The following CSGALNACT1 variants were observed in gnomAD, a reference collection of about 807,000 sequenced individuals.
The protein encoded by CSGALNACT1 is chondroitin sulfate N-acetylgalactosaminyltransferase 1, also known as beta4GalNAcT-1.
A neutral mutation model predicts 51.0 loss-of-function variants in CSGALNACT1; 52 were observed. The observed-to-expected ratio is 1.02, with a 90% CI of 0.82 to 1.29. The LOEUF is 1.29. Ranked by LOEUF, CSGALNACT1 falls within the 50% of genes most tolerant of loss-of-function variation. CSGALNACT1 has a pLI of 0.00. For missense variants in CSGALNACT1, 935 were observed against 679.2 expected (o/e 1.38, Z -4.19); for synonymous variants, 341 against 254.4 (o/e 1.34, Z -3.24).
At chr8:19,571,558 A>G (rs550727956) in intron 3 of CSGALNACT1, among the ~76,000 whole-genome samples, 4 of 139,722 alleles carry the variant, frequency 2.9e-5, no homozygotes, top group Non-Finnish European at 6.4e-5. Flanking sequence ...CGGCATTTAT[A>G]CTAAAAAGGA....
At chr8:19,692,407 C>T (rs1234281740) in intron 1 of CSGALNACT1, among the ~76,000 whole-genome samples, 1 of 152,164 alleles carries the variant, frequency 6.6e-6, no homozygotes, top group Non-Finnish European at 1.5e-5. Flanking sequence ...AATAGCTCCT[C>T]CCTTCTCTGC....
chr8:19,753,364 C>A lies in CSGALNACT1; in HGVS notation c.-297+4486G>T, dbSNP rs188320384. Among the ~76,000 whole-genome samples, 395 of 150,924 alleles carry A rather than the reference C, an allele frequency of 2.6e-3. 4 individuals carry two copies. The highest frequency in any genetic ancestry group is 6.8e-3 in the Middle Eastern group (2 of 292). On this transcript the variant is annotated intron_variant, in intron 1 of 1. Transcript: ENST00000517494. ...CTAGACCTTGATTTTTTAAAAAAAA[C>A]CAGATTGTCTTACCGTAAAATCCTG...
intron 1 of CSGALNACT1, among the ~76,000 whole-genome samples, chr8:19,729,512 G>C (rs185583303): frequency 6.6e-6 from 1 of 152,126 alleles, no homozygotes; most frequent in Non-Finnish European, 1.5e-5. Flanking sequence ...AACACAGACC[G>C]GACAACCTGG....
At chr8:19,433,320 G>A (rs2059915962) in intron 6 of CSGALNACT1, among the ~76,000 whole-genome samples, 1 of 152,170 alleles carries the variant, frequency 6.6e-6, no homozygotes, top group Non-Finnish European at 1.5e-5. Context: ...AGAGCCTGAA[G>A]GTCAGCCACA....
chr8:19,734,828 G>A (rs1010599288), intron 1 of CSGALNACT1, among the ~76,000 whole-genome samples: 1 of 151,848 alleles, frequency 6.6e-6, no homozygotes, highest in Non-Finnish European at 1.5e-5. Context: ...ACATATATGT[G>A]TATATGTATA....
upstream of CSGALNACT1, among the ~76,000 whole-genome samples, chr8:19,606,864 T>A (rs1444154394): frequency 2.0e-5 from 3 of 152,182 alleles, no homozygotes; most frequent in African/African-American, 7.2e-5. Flanking sequence ...TTTAAAGATT[T>A]ACCAAGTGTA....
At chr8:19,570,253 G>C (rs1413594132) in intron 3 of CSGALNACT1, among the ~76,000 whole-genome samples, 3 of 152,146 alleles carry the variant, frequency 2.0e-5, no homozygotes, top group African/African-American at 7.2e-5. Flanking sequence ...AGTGTTGGCT[G>C]TTTCCCAAGG....
upstream of CSGALNACT1, among the ~76,000 whole-genome samples, chr8:19,602,963 A>G (rs1197623432): frequency 2.0e-5 from 3 of 150,980 alleles, no homozygotes; most frequent in Non-Finnish European, 2.9e-5. Flanking sequence ...CTATATATGT[A>G]TTTGCTATTT....
In CSGALNACT1 at chr8:19,461,499, A is replaced by G. The variant is rs62496182; in HGVS notation, c.635-2857T>C. ...ACCAAGGAGGGCCTATCCGCACAGC[A>G]GCCACATTCACCATGGGGGGCGTAT... On this transcript the variant is annotated intron_variant, in intron 4 of 9. Coordinates refer to ENST00000454498, the Ensembl canonical transcript of CSGALNACT1. 5.4e-4 allele frequency among the ~76,000 whole-genome samples: 80 copies of G among 149,530 alleles called. 1 individual carries two copies. Among genetic ancestry groups the G allele is most frequent in the African/African-American group, 1.7e-3 (67 of 40,510 alleles).
chr8:19,634,215 T>G (rs1268420781), intron 1 of CSGALNACT1, among the ~76,000 whole-genome samples: 1 of 152,238 alleles, frequency 6.6e-6, no homozygotes, highest in East Asian at 1.9e-4. Flanking sequence ...CAAAAACTGT[T>G]GCTATGGACT....
intron 3 of CSGALNACT1, among the ~76,000 whole-genome samples, chr8:19,557,911 C>A (rs765450014): frequency 6.6e-6 from 1 of 152,188 alleles, no homozygotes; most frequent in Non-Finnish European, 1.5e-5. Flanking sequence ...ACTTGTGATA[C>A]TGTTTGAAAC....
Position 19,486,536 on chromosome 8 carries a change from G to A in CSGALNACT1, c.634+18665C>T, listed in dbSNP as rs141552144. Among the ~76,000 whole-genome samples, 835 of 151,948 alleles carry A rather than the reference G, an allele frequency of 5.5e-3. 3 individuals carry two copies. Among genetic ancestry groups the A allele is most frequent in the Non-Finnish European group, 8.3e-3 (567 of 67,974 alleles). On this transcript the variant is annotated intron_variant, in intron 4 of 9. Coordinates refer to ENST00000454498, the Ensembl canonical transcript of CSGALNACT1. ...GCTCTGCCCCTGCACACTGCCCCTC[G>A]AAGCATTCCTGCCCAGAGCTTGCAC...
At chr8:19,430,664 G>A (rs763754955) in intron 6 of CSGALNACT1, among the ~76,000 whole-genome samples, 2 of 152,268 alleles carry the variant, frequency 1.3e-5, no homozygotes, top group African/African-American at 2.4e-5. Flanking sequence ...TGTTAAGATT[G>A]TTCTGGCTAT....
intron 3 of CSGALNACT1, among the ~76,000 whole-genome samples, chr8:19,549,472 A>T (rs1454183818): frequency 6.6e-6 from 1 of 152,078 alleles, no homozygotes; most frequent in Non-Finnish European, 1.5e-5. Flanking sequence ...TAGATAAACA[A>T]TTAGGTACTT....
At chr8:19,501,246 CAAAAAAAAAAA>C in intron 4 of CSGALNACT1, among the ~76,000 whole-genome samples, 1 of 83,612 alleles carries the variant, frequency 1.2e-5, no homozygotes, top group South Asian at 4.7e-4. Context: ...GACTCCGTCT[CAAAAAAAAAAA>C]AAAAAAAAAA....
intron 3 of CSGALNACT1, among the ~76,000 whole-genome samples, chr8:19,543,481 G>C (rs966789959): frequency 3.9e-5 from 6 of 152,160 alleles, no homozygotes; most frequent in African/African-American, 1.4e-4. Context: ...TAGAAACTGT[G>C]ATTTACAGTG....
chr8:19,619,879 G>A (rs140843016), intron 1 of CSGALNACT1, among the ~76,000 whole-genome samples: 100 of 152,258 alleles, frequency 6.6e-4, no homozygotes, highest in African/African-American at 2.2e-3. Flanking sequence ...TGGTCATGGT[G>A]CCAGATTAAC....
upstream of CSGALNACT1, chr8:19,682,871 G>C (rs146179310): frequency 1.6e-4 from 59 of 376,130 alleles, no homozygotes; most frequent in African/African-American, 1.2e-3. Context: ...GCCCTCACAG[G>C]TCCAACTGCA....
At chr8:19,520,106 C>G (rs1439410860) in intron 3 of CSGALNACT1, among the ~76,000 whole-genome samples, 3 of 152,224 alleles carry the variant, frequency 2.0e-5, no homozygotes, top group Admixed American at 6.5e-5. Flanking sequence ...CCTCTCAGCT[C>G]TCCTCTTCCT....
Sources: gnomAD v4.1 joint callset for allele counts (sites outside exome capture counted in the v4.1 genomes callset) on GRCh38, gnomAD v4.1.1 for gene constraint, MANE v1.5 for transcripts, NCBI Gene and HGNC (gene_info 2026-07-23, HGNC 2026-07-21) for gene names.